The following DENND2C variants were observed in gnomAD, a reference collection of about 807,000 sequenced individuals.
DENND2C encodes DENN domain containing 2C, also known as DENN domain-containing protein 2C.
A neutral mutation model predicts 112.4 loss-of-function variants in DENND2C; 72 were observed. The observed-to-expected ratio is 0.64, with a 90% confidence interval of 0.53 to 0.78. The LOEUF is 0.78. Among genes scored for constraint, DENND2C ranks in the 30% least tolerant of loss-of-function variants. The probability of loss-of-function intolerance (pLI) is 0.00; values close to 1 mark genes in which losing one functional copy is unlikely to be tolerated. For missense variants in DENND2C, 992 were observed against 1,113.8 expected (o/e 0.89, Z 1.56); for synonymous variants, 329 against 381.6 (o/e 0.86, Z 1.61).
chr1:114,598,259 C>T (rs913212713), intron 16 of DENND2C, among the ~76,000 whole-genome samples: 4 of 152,150 alleles, frequency 2.6e-5, no homozygotes, highest in African/African-American at 9.7e-5. Context: ...AATTGTGGTA[C>T]ATTCACACAA....
At chr1:114,638,157 AT>A (rs1656707862) in intron 3 of DENND2C, among the ~76,000 whole-genome samples, 1 of 152,168 alleles carries the variant, frequency 6.6e-6, no homozygotes, top group South Asian at 2.1e-4. Flanking sequence ...TAGTCAATTG[AT>A]TTCCACAAAG....
At chr1:114,601,124 T>C (rs995472683) in intron 13 of DENND2C, among the ~76,000 whole-genome samples, 164 bp from the exon 14 acceptor site, 4 of 152,188 alleles carry the variant, frequency 2.6e-5, no homozygotes, top group Non-Finnish European at 5.9e-5. Flanking sequence ...GCATCATATC[T>C]CTTGGGAGGT....
chr1:114,596,840 C>T (rs963895762), intron 16 of DENND2C, among the ~76,000 whole-genome samples: 50 of 151,972 alleles, frequency 3.3e-4, no homozygotes, highest in African/African-American at 8.7e-4. Flanking sequence ...TCGACACAGA[C>T]GGTTATCCAT....
intron 3 of DENND2C, among the ~76,000 whole-genome samples, chr1:114,635,348 A>G (rs1352926507): frequency 6.6e-6 from 1 of 152,026 alleles, no homozygotes; most frequent in Non-Finnish European, 1.5e-5. Flanking sequence ...GTATTAATGA[A>G]ATAGATGAAC....
At chr1:114,621,251 T>C (rs116470470) in intron 7 of DENND2C, among the ~76,000 whole-genome samples, 5,763 of 152,248 alleles carry the variant, frequency 0.038, 141 homozygotes, top group Non-Finnish European at 0.056. Flanking sequence ...AGCGAGACTC[T>C]GTCTCTACAA....
chr1:114,601,444 A>G (rs555087466), intron 13 of DENND2C, 64 bp downstream of exon 13: 2 of 1,509,822 alleles, frequency 1.3e-6, no homozygotes, highest in East Asian at 2.3e-5. Flanking sequence ...GTTAAACTCT[A>G]TGCCACTTAA....
chr1:114,595,779 C>G (rs1320035932), intron 17 of DENND2C, 53 bp downstream of exon 17: 1 of 1,493,898 alleles, frequency 6.7e-7, no homozygotes, highest in African/African-American at 1.4e-5. Flanking sequence ...GTCCAATTAT[C>G]TACAGTAGAC....
chr1:114,647,072 A>G (rs1477420271), intron 2 of DENND2C, among the ~76,000 whole-genome samples: 1 of 151,926 alleles, frequency 6.6e-6, no homozygotes, highest in Non-Finnish European at 1.5e-5. Context: ...ACGCAGGAGA[A>G]CTGCTTCAAC....
chr1:114,627,810 T>C, intron 3 of DENND2C, among the ~76,000 whole-genome samples: 1 of 152,156 alleles, frequency 6.6e-6, no homozygotes, highest in East Asian at 1.9e-4. Flanking sequence ...TTTTAGGGTG[T>C]CTTTGAGACT....
At chr1:114,599,769 G>T (rs79413060) in intron 15 of DENND2C, among the ~76,000 whole-genome samples, 1 of 152,148 alleles carries the variant, frequency 6.6e-6, no homozygotes, top group African/African-American at 2.4e-5. Context: ...AAAAGTCATT[G>T]GTATAGCCTA....
intron 5 of DENND2C, 88 bp from the exon 6 acceptor site, chr1:114,623,187 A>G: frequency 2.4e-6 from 3 of 1,253,672 alleles, no homozygotes; most frequent in Non-Finnish European, 3.3e-6. Flanking sequence ...AAAGCTAACT[A>G]TGTTCAGCTT....
intron 17 of DENND2C, chr1:114,595,587 T>TAA: frequency 2.4e-6 from 1 of 421,672 alleles, no homozygotes; most frequent in Middle Eastern, 6.8e-4. Context: ...AGGGTGGTTT[T>TAA]ACCTCTTTTG....
intron 7 of DENND2C, 46 bp from the exon 8 acceptor site, chr1:114,618,528 G>A (rs781426297): frequency 8.5e-7 from 1 of 1,174,988 alleles, no homozygotes; most frequent in East Asian, 2.5e-5. Flanking sequence ...ACACCCAAAA[G>A]TTTCACAGTT....
At chr1:114,669,819 G>A (rs1028622460) in intron 1 of DENND2C, among the ~76,000 whole-genome samples, 164 bp downstream of exon 1, 1 of 152,054 alleles carries the variant, frequency 6.6e-6, no homozygotes, top group Non-Finnish European at 1.5e-5. Flanking sequence ...CCGAGACAGC[G>A]GGGCGCGGAG....
At chr1:114,655,893 T>TATATATATAC (rs1461968351) in intron 1 of DENND2C, among the ~76,000 whole-genome samples, 1 of 146,238 alleles carries the variant, frequency 6.8e-6, no homozygotes, top group African/African-American at 2.5e-5. Flanking sequence ...AATATATATA[T>TATATATATAC]ATATATAATA....
intron 2 of DENND2C, among the ~76,000 whole-genome samples, chr1:114,651,467 A>G (rs943478922): frequency 6.6e-6 from 1 of 151,614 alleles, no homozygotes; most frequent in Non-Finnish European, 1.5e-5. Context: ...AAAAAATAAA[A>G]GTAAAAAGTG....
chr1:114,623,676 C>T (rs1206282955), intron 4 of DENND2C, 33 bp from the exon 5 acceptor site: 1 of 1,448,030 alleles, frequency 6.9e-7, no homozygotes, highest in African/African-American at 1.5e-5. Flanking sequence ...AAAGTTATAT[C>T]TTTCAAAACT....
rs368385517 is a variant in DENND2C at position 114,594,535 on chromosome 1, G to A, written c.2369C>T (p.Ala790Val). Residue 790 changes from alanine to valine, a missense_variant, in exon 18 of 21, where the codon GCC (alanine) becomes GTC (valine). Physicochemically the swap from Ala to Val is moderately conservative, Grantham distance 64. This residue lies in a region of DENND2C where 516 missense variants were observed against 623.6 expected (regional missense o/e 0.83). Transcript: ENST00000393274. The part of the protein sequence containing the change: ...DEILPPKLQA[A>V]LMQILEERNE... ...TCGTTCTTCCAAAATCTGCATCAGG[G>A]CAGCTTGAAGTTTTGGTGGTAGAAT... 1.2e-6 allele frequency: 2 copies of A among 1,613,808 alleles called. No homozygotes were observed. The highest frequency in any genetic ancestry group is 1.7e-6 in the Non-Finnish European group (2 of 1,179,990).
chr1:114,658,153 A>T (rs1056563720), intron 1 of DENND2C, among the ~76,000 whole-genome samples: 1 of 152,244 alleles, frequency 6.6e-6, no homozygotes, highest in African/African-American at 2.4e-5. Context: ...CAAAGGTTTA[A>T]GGAGAAGGAA....
Sources: gnomAD v4.1 joint callset for allele counts (sites outside exome capture counted in the v4.1 genomes callset) on GRCh38, gnomAD v4.1.1 for gene constraint, gnomAD v4.1.1 regional missense constraint, MANE v1.5 for transcripts, NCBI Gene and HGNC (gene_info 2026-07-23, HGNC 2026-07-21) for gene names.